PCDHGA10: variants seen among roughly 807,000 people sequenced by gnomAD.
The protein encoded by PCDHGA10 is protocadherin gamma subfamily A, 10.
PCDHGA10 carries 42 observed loss-of-function variants against 59.5 expected under a neutral mutation model. The observed-to-expected ratio is 0.71, with a 90% confidence interval of 0.55 to 0.91. The LOEUF (loss-of-function observed/expected upper bound fraction) is 0.91. Ranked by LOEUF, PCDHGA10 falls within the 40% of genes least tolerant of loss-of-function variation. The probability of loss-of-function intolerance (pLI) is 0.00; values close to 1 mark genes in which losing one functional copy is unlikely to be tolerated. For synonymous variants in PCDHGA10, 511 were observed against 517.2 expected, an observed-to-expected ratio of 0.99 and a Z score of 0.16; for missense variants, 1,111 against 1,198.2, an observed-to-expected ratio of 0.93 and a Z score of 1.07.
At chr5:141,445,844 A>T (rs979756627) in intron 1 of PCDHGA10, among the ~76,000 whole-genome samples, 3 of 152,216 alleles carry the variant, frequency 2.0e-5, no homozygotes, top group Admixed American at 1.3e-4. Context: ...TGTAAATCAC[A>T]CTTAAAATTC....
At chr5:141,448,223 T>C (rs1377619033) in intron 1 of PCDHGA10, among the ~76,000 whole-genome samples, 1 of 152,204 alleles carries the variant, frequency 6.6e-6, no homozygotes, top group Non-Finnish European at 1.5e-5. Context: ...TGCGAATGTA[T>C]GTGTGGGGTT....
intron 1 of PCDHGA10, chr5:141,478,721 C>A: frequency 6.5e-7 from 1 of 1,543,216 alleles, no homozygotes; most frequent in Non-Finnish European, 8.8e-7. Context: ...TGGTGGCCTG[C>A]CAGAGTGTGG....
intron 1 of PCDHGA10, among the ~76,000 whole-genome samples, chr5:141,488,713 C>A (rs1165389103): frequency 6.6e-6 from 1 of 152,184 alleles, no homozygotes; most frequent in Non-Finnish European, 1.5e-5. Context: ...CTGGTTCAAG[C>A]AAAGTGGTGG....
In PCDHGA10 at chr5:141,490,912, AATG is replaced by A; in HGVS notation, c.2437-3892_2437-3890del. 6.2e-7 allele frequency: 1 copy of A among 1,613,644 alleles called. No homozygotes were observed. Among genetic ancestry groups the A allele is most frequent in the Non-Finnish European group, 8.5e-7 (1 of 1,179,684 alleles). On this transcript the variant is annotated intron_variant, in intron 1 of 3. Transcript: ENST00000398610. This position sits in a 1 kb window ranked among gnomAD's most constrained non-coding sequence, Gnocchi z 5.4. ...TCTGCATGTGTTTGTCCTAGACGAG[AATG>A]ATAATGCCCCAGCTGTGCTGCACCC...
rs753872725 is a variant in PCDHGA10, at chr5:141,423,153, C to T, written c.2436+7542C>T. ...TGGACAGAGACGCGCTCAAGCAGAG[C>T]CTCGTGGTGGCCGTCCAGGACCACG... On this transcript the variant is annotated intron_variant, in intron 1 of 3. Transcript: ENST00000398610. The T allele has an allele frequency of 3.7e-6, 6 of 1,613,482 alleles. No homozygotes were observed. The East Asian group carries it at 8.9e-5, about 24-fold the overall frequency.
intron 1 of PCDHGA10, chr5:141,420,293 A>G: frequency 1.3e-6 from 2 of 1,485,602 alleles, no homozygotes; most frequent in Non-Finnish European, 9.1e-7. Context: ...TTAAAAATGT[A>G]TTTAATCCTT....
chr5:141,435,260 T>C (rs1591368331), intron 1 of PCDHGA10, among the ~76,000 whole-genome samples: 1 of 152,236 alleles, frequency 6.6e-6, no homozygotes, highest in African/African-American at 2.4e-5. Context: ...TAGGGATATG[T>C]CCATTTATAC....
In PCDHGA10 at chr5:141,498,823, C is replaced by A. The variant is rs540865523; in HGVS notation, c.2495+3958C>A. ...TGGTGCACACCTGTAGTCCCAGCTA[C>A]TCAGGAGGCTGAGGCAGGGGAATCG... On this transcript the variant is annotated intron_variant, in intron 2 of 3. Coordinates refer to ENST00000398610, the MANE Select transcript of PCDHGA10 (RefSeq NM_018913.3). Among the ~76,000 whole-genome samples the A allele has an allele frequency of 9.2e-5, 14 of 152,166 alleles. No homozygotes were observed. The East Asian group carries it at 1.5e-3, about 17-fold the overall frequency.
chr5:141,417,754 C>A, intron 1 of PCDHGA10: 2 of 1,431,302 alleles, frequency 1.4e-6, no homozygotes, highest in Non-Finnish European at 1.8e-6. Flanking sequence ...TTGCCAGCTC[C>A]GAGACCCGGG....
chr5:141,486,823 A>G lies in PCDHGA10; in HGVS notation c.2437-7984A>G, dbSNP rs778308736. On this transcript the variant is annotated intron_variant, in intron 1 of 3. Coordinates refer to ENST00000398610, the MANE Select transcript of PCDHGA10 (RefSeq NM_018913.3). The surrounding 1 kb of genome is among the most constrained non-coding windows in gnomAD (Gnocchi z 5.0). Reference sequence around the variant, plus strand: ...ACCCACCCCTTAGCAGCACTGTAACAGTTCGTCTATTTGTGCTGGACCTCA... The same window carrying G: ...ACCCACCCCTTAGCAGCACTGTAACGGTTCGTCTATTTGTGCTGGACCTCA... 1.2e-6 allele frequency: 2 copies of G among 1,614,104 alleles called. No individual in the cohort carries two copies. Among genetic ancestry groups the G allele is most frequent in the Admixed American group, 1.7e-5 (1 of 60,008 alleles).
chr5:141,441,041 C>T (rs2098220628), intron 1 of PCDHGA10: 1 of 152,152 alleles, frequency 6.6e-6, no homozygotes, highest in African/African-American at 2.4e-5. Context: ...ACTTTAAGTA[C>T]ATTGGACTTT....
chr5:141,419,075 A>C (rs2096322774), intron 1 of PCDHGA10: 3 of 1,613,968 alleles, frequency 1.9e-6, no homozygotes, highest in South Asian at 1.1e-5. Flanking sequence ...CAAGCTAGTA[A>C]CAGATGAGGC....
intron 1 of PCDHGA10, chr5:141,422,667 G>A (rs1283968031): frequency 1.9e-6 from 3 of 1,607,536 alleles, no homozygotes; most frequent in South Asian, 1.1e-5. Context: ...CCCTCGACCC[G>A]GACAGCAAAC....
intron 1 of PCDHGA10, chr5:141,478,812 A>C: frequency 1.4e-6 from 2 of 1,453,554 alleles, no homozygotes; most frequent in Non-Finnish European, 1.8e-6. Context: ...TTGCTATCAC[A>C]ACTAACCAAT....
intron 1 of PCDHGA10, chr5:141,478,344 A>G: frequency 6.2e-7 from 1 of 1,613,882 alleles, no homozygotes; most frequent in Non-Finnish European, 8.5e-7. Context: ...CCCTCCTTGC[A>G]CGCGGACGCC....
At chr5:141,436,829 G>C (rs1194891483) in intron 1 of PCDHGA10, among the ~76,000 whole-genome samples, 3 of 152,214 alleles carry the variant, frequency 2.0e-5, no homozygotes, top group African/African-American at 7.2e-5. Flanking sequence ...AAAATCTTAA[G>C]TGCCTAGGCA....
intron 1 of PCDHGA10, among the ~76,000 whole-genome samples, chr5:141,445,620 C>T (rs561235315): frequency 2.0e-5 from 3 of 151,966 alleles, no homozygotes; most frequent in African/African-American, 4.8e-5. Context: ...TTCTTTTTTT[C>T]GGAAAGTGAT....
At chr5:141,440,551 T>C (rs1220901075) in intron 1 of PCDHGA10, 2 of 152,350 alleles carry the variant, frequency 1.3e-5, no homozygotes, top group East Asian at 1.9e-4. Context: ...GCAGGAATGT[T>C]ATTAAGTTAC....
chr5:141,439,800 T>C (rs1393580217), intron 1 of PCDHGA10: 1 of 152,300 alleles, frequency 6.6e-6, no homozygotes, highest in Admixed American at 6.5e-5. Context: ...CAAGAAGAGT[T>C]TGAAAAGGGG....
Sources: gnomAD v4.1 joint callset for allele counts (sites outside exome capture counted in the v4.1 genomes callset) on GRCh38, gnomAD v4.1.1 for gene constraint, Gnocchi (gnomAD v3.1) non-coding constraint, MANE v1.5 for transcripts, NCBI Gene and HGNC (gene_info 2026-07-23, HGNC 2026-07-21) for gene names.